Variants in AK9 observed in about 807,000 individuals in gnomAD.
AK9 encodes the protein adenylate kinase 9.
AK9 carries 191 observed loss-of-function variants against 239.6 expected under a neutral mutation model. The observed-to-expected ratio is 0.80, with a 90% CI of 0.71 to 0.90. The LOEUF (loss-of-function observed/expected upper bound fraction) is 0.90, where lower values mean the gene tolerates loss of function less well. Ranked by LOEUF, AK9 falls within the 40% of genes least tolerant of loss-of-function variation. The probability of loss-of-function intolerance (pLI) is 0.00; values close to 1 mark genes in which losing one functional copy is unlikely to be tolerated. For missense variants in AK9, 1,995 were observed against 2,214.7 expected, an observed-to-expected ratio of 0.90 and a Z score of 1.99; for synonymous variants, 689 against 721.0, an observed-to-expected ratio of 0.96 and a Z score of 0.71.
At chr6:109,503,292 A>C (rs1363711516) in intron 35 of AK9, among the ~76,000 whole-genome samples, 4 of 152,230 alleles carry the variant, frequency 2.6e-5, no homozygotes, top group African/African-American at 9.6e-5. Flanking sequence ...GCTCAGATGT[A>C]CTGAACCTCA....
At chr6:109,650,787 T>C (rs1415157643) in intron 8 of AK9, among the ~76,000 whole-genome samples, 1 of 152,196 alleles carries the variant, frequency 6.6e-6, no homozygotes, top group Non-Finnish European at 1.5e-5. Context: ...CAAACGTATG[T>C]TTATAGTGGC....
At chr6:109,643,236 T>A (rs1797671254) in intron 9 of AK9, among the ~76,000 whole-genome samples, 1 of 152,202 alleles carries the variant, frequency 6.6e-6, no homozygotes, top group African/African-American at 2.4e-5. Context: ...TCACAGGTGA[T>A]CTTGGCAAGA....
At chr6:109,626,413 G>C (rs1197368165) in intron 12 of AK9, among the ~76,000 whole-genome samples, 2 of 152,050 alleles carry the variant, frequency 1.3e-5, no homozygotes, top group African/African-American at 4.8e-5. Context: ...TACATTATTA[G>C]GGACTTTGAA....
chr6:109,585,878 A>C, intron 18 of AK9, 38 bp downstream of exon 18: 1 of 1,514,918 alleles, frequency 6.6e-7, no homozygotes, highest in Non-Finnish European at 8.9e-7. Flanking sequence ...CAATAACAAA[A>C]CTTCACTTTC....
chr6:109,521,898 A>G (rs879438544), intron 29 of AK9, among the ~76,000 whole-genome samples: 1 of 151,504 alleles, frequency 6.6e-6, no homozygotes, highest in Non-Finnish European at 1.5e-5. Flanking sequence ...CGTTTGTTTT[A>G]TTGTTGTTTA....
rs556900208 is a variant in AK9 at position 109,514,709 on chromosome 6, A to G, written c.4066-272T>C. Among the ~76,000 whole-genome samples the G allele has an allele frequency of 3.9e-5, 6 of 152,320 alleles. No individual in the cohort carries two copies. In the East Asian group the frequency reaches 1.2e-3, roughly 29 times the overall value. ...TTCATTTATAGTGTGTTTAGTGTAT[A>G]CTGAATGTTTCTGTCAAACAGCCTA... On this transcript the variant is annotated intron_variant, in intron 31 of 40. Coordinates refer to ENST00000424296, the MANE Select transcript of AK9 (RefSeq NM_001145128.3).
chr6:109,523,974 C>T (rs1219735238), intron 29 of AK9, among the ~76,000 whole-genome samples: 1 of 152,042 alleles, frequency 6.6e-6, no homozygotes, highest in African/African-American at 2.4e-5. Context: ...GAACATAATC[C>T]AAAGTTACTC....
chr6:109,553,473 G>C (rs1465691456), intron 24 of AK9, among the ~76,000 whole-genome samples: 2 of 152,074 alleles, frequency 1.3e-5, no homozygotes, highest in Non-Finnish European at 2.9e-5. Context: ...ATTGTGAATG[G>C]AAGTTCATTC....
chr6:109,679,428 C>T (rs1164033065), intron 1 of AK9, among the ~76,000 whole-genome samples: 1 of 151,950 alleles, frequency 6.6e-6, no homozygotes, highest in Admixed American at 6.6e-5. Context: ...CAGGGTATCT[C>T]TGAAAAAAAA....
chr6:109,662,848 G>A (rs1272556948), intron 5 of AK9, among the ~76,000 whole-genome samples, 185 bp from the exon 6 acceptor site: 3 of 151,758 alleles, frequency 2.0e-5, no homozygotes, highest in Non-Finnish European at 2.9e-5. Flanking sequence ...TATGAATAAT[G>A]TTTTTCTGAT....
chr6:109,669,913 C>T (rs572586742), intron 5 of AK9, among the ~76,000 whole-genome samples: 13 of 152,282 alleles, frequency 8.5e-5, no homozygotes, highest in African/African-American at 2.2e-4. Flanking sequence ...ATGCCTAGAA[C>T]GTGGCCTTGT....
chr6:109,578,732 A>C (rs1399008118), intron 20 of AK9, among the ~76,000 whole-genome samples: 1 of 152,060 alleles, frequency 6.6e-6, no homozygotes, highest in Non-Finnish European at 1.5e-5. Context: ...AAGTTTTGAT[A>C]AGTTGTGTCA....
chr6:109,622,658 CAT>C (rs1795023200), intron 12 of AK9, among the ~76,000 whole-genome samples: 3 of 146,810 alleles, frequency 2.0e-5, no homozygotes, highest in East Asian at 2.0e-4. Context: ...GTATTATAGA[CAT>C]AATGTATACA....
At chr6:109,517,983 TG>T (rs895840096) in intron 29 of AK9, among the ~76,000 whole-genome samples, 7 of 151,978 alleles carry the variant, frequency 4.6e-5, no homozygotes, top group Admixed American at 6.6e-5. Context: ...TGGGAAGGGA[TG>T]GGGGGTTACA....
chr6:109,623,079 A>G (rs1795069056), intron 12 of AK9, among the ~76,000 whole-genome samples: 1 of 152,002 alleles, frequency 6.6e-6, no homozygotes, highest in Non-Finnish European at 1.5e-5. Flanking sequence ...TTTAATGGCT[A>G]TTTGTATCTA....
Position 109,607,430 on chromosome 6 carries a change from T to C in AK9, c.1842+2935A>G, listed in dbSNP as rs150494692. Reference sequence around the variant, plus strand: ...GCAGACTTGTTTTTCTTGTCATTATTCCCTAAACAATATAGTGTAAACAAC... The same window carrying C: ...GCAGACTTGTTTTTCTTGTCATTATCCCCTAAACAATATAGTGTAAACAAC... On this transcript the variant is annotated intron_variant, in intron 17 of 40. Transcript: ENST00000424296. Among the ~76,000 whole-genome samples the C allele has an allele frequency of 3.7e-3, 568 of 152,324 alleles. 3 individuals are homozygous for C. Among genetic ancestry groups the C allele is most frequent in the African/African-American group, 0.013 (544 of 41,570 alleles).
At chr6:109,557,479 A>G (rs1230912114) in intron 24 of AK9, among the ~76,000 whole-genome samples, 1 of 152,150 alleles carries the variant, frequency 6.6e-6, no homozygotes, top group Non-Finnish European at 1.5e-5. Flanking sequence ...TGGGTGGCAC[A>G]GGGAGCCAGA....
intron 8 of AK9, among the ~76,000 whole-genome samples, chr6:109,651,048 AG>A (rs1466750701): frequency 6.6e-6 from 1 of 151,606 alleles, no homozygotes; most frequent in African/African-American, 2.4e-5. Flanking sequence ...ACATGGACAC[AG>A]GAATGGGAAC....
At chr6:109,629,321 G>A (rs1427289036) in intron 12 of AK9, among the ~76,000 whole-genome samples, 1 of 152,018 alleles carries the variant, frequency 6.6e-6, no homozygotes, top group African/African-American at 2.4e-5. Flanking sequence ...TAAAACATAA[G>A]CAAAGGCCTA....
Sources: gnomAD v4.1 joint callset for allele counts (sites outside exome capture counted in the v4.1 genomes callset) on GRCh38, gnomAD v4.1.1 for gene constraint, MANE v1.5 for transcripts, NCBI Gene and HGNC (gene_info 2026-07-23, HGNC 2026-07-21) for gene names.